The following KLHDC4 variants were observed in gnomAD, a reference collection of about 807,000 sequenced individuals.
KLHDC4 encodes the protein kelch domain containing 4.
In KLHDC4, 90 loss-of-function variants were observed where a neutral mutation model predicts 62.4. The ratio of observed to expected loss-of-function variants is 1.44; its 90% CI spans 1.22 to 1.72. The LOEUF (loss-of-function observed/expected upper bound fraction) is 1.72, where lower values mean the gene tolerates loss of function less well. Ranked by LOEUF, KLHDC4 falls within the 40% of genes most tolerant of loss-of-function variation. The pLI is 0.00. For missense variants in KLHDC4, 1,025 were observed against 699.7 expected (o/e 1.47, Z -5.25); for synonymous variants, 386 against 284.4 (o/e 1.36, Z -3.59).
At chr16:87,711,129 G>A in intron 9 of KLHDC4, 106 bp downstream of exon 9, 1 of 1,093,414 alleles carries the variant, frequency 9.1e-7, no homozygotes, top group Non-Finnish European at 1.4e-6. Flanking sequence ...AGAGCTCATG[G>A]GCTTTGGGGG....
chr16:87,759,979 C>G (rs572770549), intron 2 of KLHDC4, among the ~76,000 whole-genome samples: 21 of 152,228 alleles, frequency 1.4e-4, no homozygotes, highest in Non-Finnish European at 2.6e-4. Flanking sequence ...TAGGTCACAT[C>G]AGAGCCAATC....
At chr16:87,701,926 C>T (rs1242048800) in exon 1 of KLHDC4, 2 of 456,222 alleles carry the variant, frequency 4.4e-6, no homozygotes, top group East Asian at 1.4e-4. Flanking sequence ...CCCTCGGGCC[C>T]TCCCAGCAGT....
At chr16:87,751,327 A>C (rs2043893119) in intron 4 of KLHDC4, among the ~76,000 whole-genome samples, 1 of 152,118 alleles carries the variant, frequency 6.6e-6, no homozygotes. Context: ...TATAAAAATT[A>C]GCCAGACGTG....
exon 1 of KLHDC4, chr16:87,699,558 G>C (rs1273780996): frequency 6.6e-6 from 1 of 152,264 alleles, no homozygotes; most frequent in Non-Finnish European, 1.5e-5. Context: ...AATTAGCCAG[G>C]CGTGGTGGCA....
exon 1 of KLHDC4, chr16:87,700,819 A>AGAGGGAGGAGGTTGGAGGGCG (rs1242575002): frequency 3.4e-5 from 3 of 89,188 alleles, no homozygotes; most frequent in Non-Finnish European, 6.0e-5. Flanking sequence ...GTTGCAGGGC[A>AGAGGGAGGAGGTTGGAGGGCG]GAGGGAGGAG....
In KLHDC4 at chr16:87,725,645, G is replaced by A. The variant is rs74759436; in HGVS notation, c.759+1120C>T. ...ACAGAAATGTAAAGGTTGGCAGAGT[G>A]TGAAATGGGAGTGAAGCAACAGGAA... On this transcript the variant is annotated intron_variant, in intron 7 of 11. Coordinates refer to ENST00000270583, the MANE Select transcript of KLHDC4 (RefSeq NM_017566.4). Among the ~76,000 whole-genome samples the A allele has an allele frequency of 1.3e-3, 191 of 152,334 alleles. 3 individuals carry two copies. The East Asian group carries it at 0.03, about 24-fold the overall frequency.
chr16:87,731,280 G>A (rs183500048), intron 5 of KLHDC4, among the ~76,000 whole-genome samples: 1 of 151,504 alleles, frequency 6.6e-6, no homozygotes, highest in Non-Finnish European at 1.5e-5. Context: ...GGCCAGGCTG[G>A]TCTCGAACTC....
chr16:87,715,743 T>C (rs1272580212), intron 7 of KLHDC4, among the ~76,000 whole-genome samples: 1 of 152,212 alleles, frequency 6.6e-6, no homozygotes, highest in Non-Finnish European at 1.5e-5. Flanking sequence ...ACAGGACTCA[T>C]CACAGTGGAT....
intron 7 of KLHDC4, among the ~76,000 whole-genome samples, chr16:87,722,512 G>A (rs577689719): frequency 6.6e-6 from 1 of 152,244 alleles, no homozygotes; most frequent in Non-Finnish European, 1.5e-5. Flanking sequence ...CGGTCAGAAT[G>A]CCTTCATCTG....
intron 5 of KLHDC4, among the ~76,000 whole-genome samples, chr16:87,731,382 T>C (rs2040342887): frequency 6.6e-6 from 1 of 151,756 alleles, no homozygotes; most frequent in African/African-American, 2.4e-5. Flanking sequence ...CAGAATTCTA[T>C]CTTAATAGTA....
intron 7 of KLHDC4, among the ~76,000 whole-genome samples, chr16:87,725,480 C>T (rs1257243780): frequency 1.3e-5 from 2 of 152,166 alleles, no homozygotes; most frequent in Admixed American, 1.3e-4. Context: ...ATAGCAAAAT[C>T]TTAATAGCAG....
At chr16:87,747,363 A>G (rs1245211865) in intron 5 of KLHDC4, among the ~76,000 whole-genome samples, 2 of 152,252 alleles carry the variant, frequency 1.3e-5, no homozygotes, top group African/African-American at 2.4e-5. Context: ...CAAATCAGTA[A>G]CAAGCGGGCT....
At chr16:87,702,084 G>A (rs750339087) in exon 1 of KLHDC4, 36 of 456,284 alleles carry the variant, frequency 7.9e-5, no homozygotes, top group South Asian at 5.3e-4. Flanking sequence ...TGTGACCCCC[G>A]AGATCAGAAC....
chr16:87,730,634 C>CGCCT lies in KLHDC4; in HGVS notation c.513_516dup (p.Gly173ArgfsTer26), dbSNP rs2040182866. On this transcript the variant is annotated frameshift_variant, in exon 6 of 12. Transcript: ENST00000270583. LOFTEE classifies it high-confidence loss of function. The stretch of plus-strand genomic sequence containing the variant: ...CGATGTCCACTCCGACCCGAAGGAC[C>CGCCT]GCCTGTTGATCTAAAATGAAATAAA... The CGCCT allele has an allele frequency of 6.2e-7, 1 of 1,612,164 alleles. No homozygotes were observed. Among genetic ancestry groups the CGCCT allele is most frequent in the Admixed American group, 1.7e-5 (1 of 59,384 alleles).
chr16:87,753,259 T>C (rs2044307757), intron 4 of KLHDC4, among the ~76,000 whole-genome samples: 1 of 152,202 alleles, frequency 6.6e-6, no homozygotes, highest in South Asian at 2.1e-4. Flanking sequence ...GAACCACCAC[T>C]GTGAAGACAA....
At chr16:87,704,626 G>C (rs558313419), downstream of KLHDC4, among the ~76,000 whole-genome samples, 54 of 152,004 alleles carry the variant, frequency 3.6e-4, no homozygotes, top group African/African-American at 1.2e-3. Flanking sequence ...CCTGGGGAGG[G>C]TCTCTCTCAC....
At chr16:87,754,097 G>A (rs553623436) in intron 4 of KLHDC4, among the ~76,000 whole-genome samples, 1 of 145,490 alleles carries the variant, frequency 6.9e-6, no homozygotes, top group Non-Finnish European at 1.5e-5. Context: ...CTGATATAAT[G>A]CCACTGCACT....
chr16:87,722,775 G>A (rs1168819484), intron 7 of KLHDC4, among the ~76,000 whole-genome samples: 1 of 152,252 alleles, frequency 6.6e-6, no homozygotes, highest in South Asian at 2.1e-4. Context: ...CACTCCAGCT[G>A]CTGCACTGTG....
At chr16:87,716,950 G>C (rs1420297330) in intron 7 of KLHDC4, among the ~76,000 whole-genome samples, 2 of 151,376 alleles carry the variant, frequency 1.3e-5, no homozygotes, top group African/African-American at 4.8e-5. Flanking sequence ...GAAAAGAAAA[G>C]AAACTAAGAT....
Sources: gnomAD v4.1 joint callset for allele counts (sites outside exome capture counted in the v4.1 genomes callset) on GRCh38, gnomAD v4.1.1 for gene constraint, MANE v1.5 for transcripts, NCBI Gene and HGNC (gene_info 2026-07-23, HGNC 2026-07-21) for gene names.